Variants in VAT1L observed in about 807,000 individuals in gnomAD.
VAT1L encodes vesicle amine transport 1 like.
VAT1L carries 34 observed loss-of-function variants against 44.1 expected under a neutral mutation model. That is an observed-to-expected ratio of 0.77 (90% CI 0.59 to 1.03). The LOEUF is 1.03. VAT1L is among the 50% of genes least tolerant of loss of function. VAT1L has a pLI of 0.00. For missense variants in VAT1L, 615 were observed against 538.8 expected (o/e 1.14, Z -1.40); for synonymous variants, 253 against 202.2 (o/e 1.25, Z -2.13).
chr16:77,862,678 T>A, intron 3 of VAT1L, 70 bp from the exon 4 acceptor site: 7 of 1,009,442 alleles, frequency 6.9e-6, no homozygotes, highest in Non-Finnish European at 1.0e-5. Context: ...AATCCTGCTC[T>A]ACACCCAGCA....
chr16:77,810,154 T>C (rs2016239768), intron 1 of VAT1L, among the ~76,000 whole-genome samples: 1 of 152,182 alleles, frequency 6.6e-6, no homozygotes, highest in Non-Finnish European at 1.5e-5. Flanking sequence ...TTCATTTACT[T>C]TCTATTTAAC....
chr16:77,839,409 A>G (rs2016678292), intron 3 of VAT1L, among the ~76,000 whole-genome samples: 1 of 151,482 alleles, frequency 6.6e-6, no homozygotes, highest in African/African-American at 2.4e-5. Flanking sequence ...GGTGGTGGGC[A>G]CCTGTAGTTC....
chr16:77,947,103 T>G (rs1454944210), intron 7 of VAT1L, among the ~76,000 whole-genome samples: 3 of 152,116 alleles, frequency 2.0e-5, no homozygotes, highest in Admixed American at 6.5e-5. Context: ...AAAGAAAGGG[T>G]GAGCCCTTTT....
intron 7 of VAT1L, among the ~76,000 whole-genome samples, chr16:77,961,364 T>C (rs549523315): frequency 6.6e-6 from 1 of 152,090 alleles, no homozygotes. Context: ...TTCCAGTCTT[T>C]CTCCTTCCTC....
chr16:77,885,905 G>T (rs2017204674), intron 7 of VAT1L, among the ~76,000 whole-genome samples: 1 of 152,146 alleles, frequency 6.6e-6, no homozygotes, highest in Non-Finnish European at 1.5e-5. Flanking sequence ...TAGATCAATG[G>T]AGCAGGAATG....
intron 8 of VAT1L, among the ~76,000 whole-genome samples, chr16:77,972,196 G>A (rs73568683): frequency 6.6e-6 from 1 of 152,152 alleles, no homozygotes; most frequent in Non-Finnish European, 1.5e-5. Context: ...CAACAGACCT[G>A]TCTATTACAG....
intron 7 of VAT1L, among the ~76,000 whole-genome samples, chr16:77,927,934 C>G (rs1381651372): frequency 6.6e-6 from 1 of 152,266 alleles, no homozygotes; most frequent in Non-Finnish European, 1.5e-5. Flanking sequence ...ACTAGTATCC[C>G]TGATCTACAG....
intron 7 of VAT1L, among the ~76,000 whole-genome samples, chr16:77,934,714 G>C (rs1323734086): frequency 2.0e-5 from 3 of 152,194 alleles, no homozygotes; most frequent in African/African-American, 7.2e-5. Context: ...AGCAAACTAG[G>C]AGTTAGAGCA....
intron 7 of VAT1L, among the ~76,000 whole-genome samples, chr16:77,907,565 G>C (rs1471531646): frequency 6.6e-6 from 1 of 152,092 alleles, no homozygotes; most frequent in Non-Finnish European, 1.5e-5. Flanking sequence ...CCTATGCCCA[G>C]CTCAAGTCCC....
At chr16:77,880,238 C>A (rs1176193131) in intron 6 of VAT1L, among the ~76,000 whole-genome samples, 2 of 152,066 alleles carry the variant, frequency 1.3e-5, no homozygotes, top group Non-Finnish European at 2.9e-5. Flanking sequence ...CTCACTGCAA[C>A]CTCCACCTCC....
In VAT1L at chr16:77,903,571, A is replaced by C. The variant is rs533236284; in HGVS notation, c.1077+18769A>C. ...ACAAAAATGGAAAAATCACAGGCCCAAATATCTTACAGAGAAATTGGGTAC... is the reference window on the plus strand; with the variant it reads ...ACAAAAATGGAAAAATCACAGGCCCCAATATCTTACAGAGAAATTGGGTAC... On this transcript the variant is annotated intron_variant, in intron 7 of 8. Coordinates refer to ENST00000302536, the MANE Select transcript of VAT1L (RefSeq NM_020927.3). 1.1e-4 allele frequency among the ~76,000 whole-genome samples: 16 copies of C among 152,262 alleles called. No individual in the cohort carries two copies. The South Asian group carries it at 2.9e-3, about 28-fold the overall frequency.
chr16:77,904,508 TC>T (rs1330984632), intron 7 of VAT1L, among the ~76,000 whole-genome samples: 1 of 152,130 alleles, frequency 6.6e-6, no homozygotes, highest in Non-Finnish European at 1.5e-5. Context: ...CCTCACGCGG[TC>T]CCCACTCTGT....
At chr16:77,967,663 G>A (rs1020710010) in intron 7 of VAT1L, among the ~76,000 whole-genome samples, 2 of 152,178 alleles carry the variant, frequency 1.3e-5, no homozygotes, top group Non-Finnish European at 2.9e-5. Flanking sequence ...AGCCCTGCAG[G>A]GAGCTTTTTC....
At chr16:77,872,671 T>C (rs2017044863) in intron 4 of VAT1L, among the ~76,000 whole-genome samples, 1 of 152,120 alleles carries the variant, frequency 6.6e-6, no homozygotes, top group African/African-American at 2.4e-5. Context: ...TTCCCTCTGG[T>C]TCCCTCTGCT....
chr16:77,871,973 A>G (rs1243833630), intron 4 of VAT1L, among the ~76,000 whole-genome samples: 1 of 152,040 alleles, frequency 6.6e-6, no homozygotes, highest in African/African-American at 2.4e-5. Flanking sequence ...GAAAAATGGT[A>G]ATCAATCAAA....
intron 7 of VAT1L, among the ~76,000 whole-genome samples, chr16:77,901,625 G>T (rs1015289801): frequency 6.6e-6 from 1 of 152,098 alleles, no homozygotes; most frequent in African/African-American, 2.4e-5. Context: ...GCACAATGTG[G>T]TTCTAACTCC....
In VAT1L at chr16:77,915,197, T is replaced by C. The variant is rs149277955; in HGVS notation, c.1077+30395T>C. ...ATTGTGATTGAATCGTAACCATAGA[T>C]TGGCAAAACTCAACAAAAGCATTCT... On this transcript the variant is annotated intron_variant, in intron 7 of 8. Coordinates refer to ENST00000302536, the MANE Select transcript of VAT1L (RefSeq NM_020927.3). 7.5e-3 allele frequency among the ~76,000 whole-genome samples: 1,146 copies of C among 152,238 alleles called. 20 individuals carry two copies. Among genetic ancestry groups the C allele is most frequent in the African/African-American group, 0.026 (1,094 of 41,532 alleles).
At chr16:77,961,367 C>T (rs2018158390) in intron 7 of VAT1L, among the ~76,000 whole-genome samples, 1 of 152,156 alleles carries the variant, frequency 6.6e-6, no homozygotes, top group South Asian at 2.1e-4. Context: ...CAGTCTTTCT[C>T]CTTCCTCCCT....
Position 77,884,867 on chromosome 16 carries a change from C to T in VAT1L, c.1077+65C>T. 27 of 1,399,166 alleles carry T rather than the reference C, an allele frequency of 1.9e-5. No individual in the cohort carries two copies. The highest frequency in any genetic ancestry group is 2.5e-5 in the Non-Finnish European group (27 of 1,068,874). The allele number at this position is 1,399,166 out of a possible 1,614,324, so 86.7% of individuals were successfully genotyped here. On this transcript the variant is annotated intron_variant, in intron 7 of 8. Coordinates refer to ENST00000302536, the MANE Select transcript of VAT1L (RefSeq NM_020927.3). The surrounding 1 kb of genome is among the most constrained non-coding windows in gnomAD (Gnocchi z 4.5). ...TTTAACTCAGGAAGGTTTGGGCAGC[C>T]AAATACAATCTTCTACTAAATGATT...
Sources: allele counts gnomAD v4.1 joint callset (sites outside exome capture counted in the v4.1 genomes callset), GRCh38; gene constraint gnomAD v4.1.1; non-coding constraint Gnocchi (gnomAD v3.1); transcripts MANE v1.5; gene names NCBI Gene and HGNC (gene_info 2026-07-23, HGNC 2026-07-21).